The following SNAPC3 variants were observed in gnomAD, a reference collection of about 807,000 sequenced individuals.
SNAPC3 encodes small nuclear RNA activating complex polypeptide 3.
A neutral mutation model predicts 47.7 loss-of-function variants in SNAPC3; 56 were observed. The ratio of observed to expected loss-of-function variants is 1.18; its 90% CI spans 0.95 to 1.47. The LOEUF (loss-of-function observed/expected upper bound fraction) is 1.47, where lower values mean the gene tolerates loss of function less well. SNAPC3 is among the 40% of genes most tolerant of loss of function. The probability of loss-of-function intolerance (pLI) is 0.00; values close to 1 mark genes in which losing one functional copy is unlikely to be tolerated. For missense variants in SNAPC3, 665 were observed against 511.3 expected, an observed-to-expected ratio of 1.30 and a Z score of -2.90; for synonymous variants, 235 against 189.9, an observed-to-expected ratio of 1.24 and a Z score of -1.95.
At chr9:15,437,131 C>T (rs1018448759) in intron 3 of SNAPC3, among the ~76,000 whole-genome samples, 3 of 152,050 alleles carry the variant, frequency 2.0e-5, no homozygotes, top group Non-Finnish European at 4.4e-5. Flanking sequence ...AGCCTATCAG[C>T]AGTGTTTTAT....
At chr9:15,430,710 A>T (rs1300822901) in intron 2 of SNAPC3, among the ~76,000 whole-genome samples, 1 of 152,192 alleles carries the variant, frequency 6.6e-6, no homozygotes. Flanking sequence ...AATATTTGAA[A>T]TACCTTAAAT....
At chr9:15,451,459 G>A in intron 6 of SNAPC3, 57 bp downstream of exon 6, 1 of 769,130 alleles carries the variant, frequency 1.3e-6, no homozygotes, top group African/African-American at 1.7e-5. Context: ...TCAAAGTAGT[G>A]TTATCTCCAC....
Position 15,457,996 on chromosome 9 carries a change from G to A in SNAPC3, c.1017G>A (p.Leu339=). The A allele has an allele frequency of 6.3e-7, 1 of 1,596,968 alleles. No individual in the cohort carries two copies. The highest frequency in any genetic ancestry group is 8.5e-7 in the Non-Finnish European group (1 of 1,174,290). The stretch of plus-strand genomic sequence containing the variant: ...ATGATGACTGCTTGGATAGGACATT[G>A]TATCCCCTCCTTATCAAGAAGCATT... The part of the protein sequence containing the change: ...VHHDDCLDRT[L]YPLLIKKHWL... The change falls in exon 8 of 9, where the codon TTG becomes TTA. Residue 339 remains leucine (L), a synonymous_variant. Transcript: ENST00000380821.
Position 15,447,238 on chromosome 9 carries a change from C to T in SNAPC3, c.726C>T (p.Ile242=). 6.2e-7 allele frequency: 1 copy of T among 1,613,982 alleles called. No homozygotes were observed. Among genetic ancestry groups the T allele is most frequent in the East Asian group, 2.2e-5 (1 of 44,864 alleles). ...CTCCTGACCAAGCCCCTGAGCACAT[C>T]AGCAAAGTAAGGTGATTTCCTCCCA... is the stretch of plus-strand genomic sequence containing the variant. ...SNTPDQAPEH[I]SKDLYKSAFF... is the part of the protein sequence containing the mutation. The change falls in exon 5 of 9, where the codon ATC becomes ATT. Residue 242 remains isoleucine, a synonymous_variant. Coordinates refer to ENST00000380821, the MANE Select transcript of SNAPC3 (RefSeq NM_001039697.2).
chr9:15,465,443 A>T (rs2035551653), downstream of SNAPC3: 2 of 1,291,684 alleles, frequency 1.5e-6, no homozygotes, highest in African/African-American at 1.5e-5. Flanking sequence ...ATAAAAATTT[A>T]AAACTTTCAG....
At chr9:15,453,379 C>G (rs932668822) in intron 7 of SNAPC3, 174 bp downstream of exon 7, 1 of 520,400 alleles carries the variant, frequency 1.9e-6, no homozygotes, top group Non-Finnish European at 3.4e-6. Context: ...CTCTTTCCAT[C>G]CATTTGCATC....
intron 2 of SNAPC3, among the ~76,000 whole-genome samples, chr9:15,431,709 C>G (rs1172413709): frequency 7.9e-5 from 12 of 152,160 alleles, no homozygotes; most frequent in African/African-American, 2.6e-4. Flanking sequence ...TAATGTGTCA[C>G]ATATTTTTCA....
chr9:15,465,491 A>C (rs773232885), downstream of SNAPC3: 1 of 1,491,220 alleles, frequency 6.7e-7, no homozygotes, highest in African/African-American at 1.4e-5. Context: ...AAACTTCTCA[A>C]GTGTTCTCTA....
chr9:15,424,350 ATT>A (rs1563836593), intron 2 of SNAPC3, among the ~76,000 whole-genome samples: 2 of 152,192 alleles, frequency 1.3e-5, no homozygotes, highest in African/African-American at 2.4e-5. Flanking sequence ...ATTTTTTAAT[ATT>A]TTTGAATGTT....
chr9:15,442,036 T>C (rs1024956913), intron 3 of SNAPC3, among the ~76,000 whole-genome samples: 1 of 143,246 alleles, frequency 7.0e-6, no homozygotes, highest in Non-Finnish European at 1.5e-5. Flanking sequence ...CCCCACCTCC[T>C]GGATGGGGCA....
At chr9:15,445,436 C>T (rs1335750743) in intron 4 of SNAPC3, among the ~76,000 whole-genome samples, 5 of 152,128 alleles carry the variant, frequency 3.3e-5, no homozygotes, top group African/African-American at 7.2e-5. Context: ...GATGAAAATA[C>T]AGAACATTAT....
At chr9:15,465,439 A>G (rs2035551517), downstream of SNAPC3, 1 of 1,272,732 alleles carries the variant, frequency 7.9e-7, no homozygotes, top group African/African-American at 1.5e-5. Context: ...GCTTATAAAA[A>G]TTTAAAACTT....
chr9:15,434,630 C>G (rs999182882), intron 3 of SNAPC3, among the ~76,000 whole-genome samples: 4 of 151,904 alleles, frequency 2.6e-5, no homozygotes, highest in East Asian at 1.9e-4. Context: ...GGTCTCGAAC[C>G]CTTGACCTCA....
At position 15,449,572 on chromosome 9, in the gene SNAPC3, T is replaced by C. The variant is rs1346957413; in HGVS notation, c.733-1748T>C. 7.7e-5 allele frequency among the ~76,000 whole-genome samples: 10 copies of C among 129,906 alleles called. No individual in the cohort carries two copies. The South Asian group carries it at 2.7e-3, about 35-fold the overall frequency. The allele number at this position is 129,906 out of a possible 152,430, so 85.2% of individuals were successfully genotyped here. Reference sequence around the variant, plus strand: ...ATATATATATATATATATTTTTTTTTTTTTTTTTTTTTTTTGAGACAGAAT... The same window carrying C: ...ATATATATATATATATATTTTTTTTCTTTTTTTTTTTTTTTGAGACAGAAT... On this transcript the variant is annotated intron_variant, in intron 5 of 8. Coordinates refer to ENST00000380821, the MANE Select transcript of SNAPC3 (RefSeq NM_001039697.2).
intron 3 of SNAPC3, among the ~76,000 whole-genome samples, chr9:15,437,039 G>A (rs1279637202): frequency 6.6e-6 from 1 of 151,682 alleles, no homozygotes; most frequent in East Asian, 1.9e-4. Flanking sequence ...TGGCCAAACT[G>A]GTCTCCAACT....
intron 6 of SNAPC3, among the ~76,000 whole-genome samples, chr9:15,452,675 G>A (rs1176533691): frequency 6.6e-6 from 1 of 152,160 alleles, no homozygotes; most frequent in Non-Finnish European, 1.5e-5. Flanking sequence ...GCTTATGTGG[G>A]TTATAACTAT....
intron 3 of SNAPC3, among the ~76,000 whole-genome samples, chr9:15,443,130 A>G (rs1487997077): frequency 6.6e-6 from 1 of 152,236 alleles, no homozygotes; most frequent in South Asian, 2.1e-4. Context: ...AGTACAGTCC[A>G]GCTTTGGCTC....
chr9:15,459,759 T>C lies in SNAPC3; in HGVS notation c.1129T>C (p.Cys377Arg), dbSNP rs770211819. Residue 377 changes from cysteine (C) to arginine (R), a missense_variant, in exon 9 of 9, where the codon TGC becomes CGC. By Grantham distance (180) the Cys-to-Arg change is radical (BLOSUM62 -3). Transcript: ENST00000380821. ...TGACAGTTTTGCACCAGAGGACCCA[T>C]GCTTCTTTTGTGATGTTTGCTTCCG... is the stretch of plus-strand genomic sequence containing the variant. ...NNDSFAPEDP[C>R]FFCDVCFRML... 5 of 1,613,812 alleles carry C rather than the reference T, an allele frequency of 3.1e-6. No homozygotes were observed. The highest frequency in any genetic ancestry group is 4.2e-6 in the Non-Finnish European group (5 of 1,179,824).
At chr9:15,454,824 C>G (rs962902847) in intron 7 of SNAPC3, among the ~76,000 whole-genome samples, 11 of 152,152 alleles carry the variant, frequency 7.2e-5, no homozygotes, top group African/African-American at 2.4e-4. Context: ...GTCCTAGCTA[C>G]TCGGGAGGCT....
Sources: allele counts gnomAD v4.1 joint callset (sites outside exome capture counted in the v4.1 genomes callset), GRCh38; gene constraint gnomAD v4.1.1; transcripts MANE v1.5; gene names NCBI Gene and HGNC (gene_info 2026-07-23, HGNC 2026-07-21).